RPLP2: variants seen among roughly 807,000 people sequenced by gnomAD.
RPLP2 encodes large ribosomal subunit protein P2.
RPLP2 carries 1 observed loss-of-function variant against 11.5 expected under a neutral mutation model. The ratio of observed to expected loss-of-function variants is 0.09; its 90% CI spans 0.03 to 0.41. The LOEUF (loss-of-function observed/expected upper bound fraction) is 0.41, where lower values mean the gene tolerates loss of function less well. RPLP2 is among the 10% of genes least tolerant of loss of function. RPLP2 has a pLI of 0.98. For missense variants in RPLP2, 177 were observed against 145.6 expected (o/e 1.22, Z -1.11); for synonymous variants, 82 against 55.9 (o/e 1.47, Z -2.08).
Position 810,351 on chromosome 11 carries a change from C to T in RPLP2, c.117C>T (p.Leu39=). The T allele has an allele frequency of 6.2e-7, 1 of 1,606,618 alleles. No individual in the cohort carries two copies. Among genetic ancestry groups the T allele is most frequent in the Non-Finnish European group, 8.5e-7 (1 of 1,177,280 alleles). ...GTATCGAGGCGGACGACGACCGGCT[C>T]AACAAGGTAGCGGCCGCCCTTGCCC... ...SVGIEADDDR[L]NKVISELNGK... The change falls in exon 2 of 5, where the codon CTC becomes CTT. Residue 39 remains leucine, a synonymous_variant. Coordinates refer to ENST00000321153, the MANE Select transcript of RPLP2 (RefSeq NM_001004.4).
Position 812,876 on chromosome 11 carries a change from C to G in RPLP2, c.*40C>G. On this transcript the variant is annotated 3_prime_UTR_variant, in exon 5 of 5. Transcript: ENST00000321153. ...GCAAATAAAGCCTTTTTACACATCT[C>G]TCAAGTATTCCATGAGCACTTTGTC... 1 of 1,601,468 alleles carries G rather than the reference C, an allele frequency of 6.2e-7. No individual in the cohort carries two copies. The highest frequency in any genetic ancestry group is 8.5e-7 in the Non-Finnish European group (1 of 1,170,550).
chr11:812,817 G>A lies in RPLP2; in HGVS notation c.329G>A (p.Gly110Glu), dbSNP rs146481937. The change falls in exon 5 of 5, where the codon GGA (glycine) becomes GAA (glutamate). Residue 110 changes from glycine to glutamate, a missense_variant. Gly to Glu is a moderately conservative substitution (Grantham distance 98). Coordinates refer to ENST00000321153, the MANE Select transcript of RPLP2 (RefSeq NM_001004.4). ...TCTGAAGAGTCAGATGATGACATGG[G>A]ATTTGGCCTTTTTGATTAAATTCCT... ...EESEESDDDM[G>E]FGLFD The A allele has an allele frequency of 4.3e-6, 7 of 1,613,354 alleles. No individual in the cohort carries two copies. Among genetic ancestry groups the A allele is most frequent in the African/African-American group, 1.3e-5 (1 of 74,902 alleles).
At chr11:812,419 T>G in intron 3 of RPLP2, 116 bp from the exon 4 acceptor site, 1 of 1,355,402 alleles carries the variant, frequency 7.4e-7, no homozygotes, top group South Asian at 1.3e-5. Context: ...CACTGGCATA[T>G]GGTGGGTCCA....
At chr11:811,082 C>G (rs546767930) in intron 2 of RPLP2, among the ~76,000 whole-genome samples, 118 of 151,250 alleles carry the variant, frequency 7.8e-4, no homozygotes, top group African/African-American at 2.8e-3. Flanking sequence ...GAGGCTGATG[C>G]GGGAGAATCA....
chr11:811,613 A>G lies in RPLP2; in HGVS notation c.140A>G (p.Asn47Ser). ...DRLNKVISEL[N>S]GKNIEDVIAQ... ...CTGCTTCAGGTTATCAGTGAGCTGA[A>G]TGGAAAAAACATTGAAGACGTCATT... Residue 47 changes from asparagine (N) to serine (S), a missense_variant, in exon 3 of 5, where the codon AAT (asparagine) becomes AGT (serine). Physicochemically the swap from Asn to Ser is conservative, Grantham distance 46. Coordinates refer to ENST00000321153, the MANE Select transcript of RPLP2 (RefSeq NM_001004.4). 1 of 1,614,212 alleles carries G rather than the reference A, an allele frequency of 6.2e-7. No individual in the cohort carries two copies.
intron 2 of RPLP2, among the ~76,000 whole-genome samples, chr11:811,010 A>G (rs1490754144): frequency 2.2e-5 from 3 of 135,800 alleles, no homozygotes; most frequent in Non-Finnish European, 4.6e-5. Context: ...GTCTCCACAA[A>G]AAAAAAAAAA....
rs1323752750 is a variant in RPLP2, at chr11:810,246, C to T, written c.12C>T (p.Val4=). 16 of 1,581,820 alleles carry T rather than the reference C, an allele frequency of 1.0e-5. No homozygotes were observed. Among genetic ancestry groups the T allele is most frequent in the Admixed American group, 1.8e-5 (1 of 56,804 alleles). MRY[V]ASYLLAALGG... Reference sequence around the variant, plus strand: ...CCGCCCGCCTCAGGATGCGCTACGTCGCCTCCTACCTGCTGGCTGCCCTAG... The same window carrying T: ...CCGCCCGCCTCAGGATGCGCTACGTTGCCTCCTACCTGCTGGCTGCCCTAG... The change falls in exon 2 of 5, where the codon GTC becomes GTT. Residue 4 remains valine, a synonymous_variant. Coordinates refer to ENST00000321153, the MANE Select transcript of RPLP2 (RefSeq NM_001004.4).
At chr11:811,803 TTCTAGACA>T in intron 3 of RPLP2, 158 bp downstream of exon 3, 1 of 894,558 alleles carries the variant, frequency 1.1e-6, no homozygotes, top group Admixed American at 1.7e-5. Flanking sequence ...TCATGGGCAC[TTCTAGACA>T]CTCTCAGGAG....
chr11:811,362 A>T (rs1590167428), intron 2 of RPLP2: 1 of 581,678 alleles, frequency 1.7e-6, no homozygotes, highest in East Asian at 2.8e-5. Context: ...AGTCAACATA[A>T]GTAGTGAGAT....
At chr11:811,819 G>T in intron 3 of RPLP2, 174 bp downstream of exon 3, 1 of 847,090 alleles carries the variant, frequency 1.2e-6, no homozygotes, top group Non-Finnish European at 2.1e-6. Flanking sequence ...ACACTCTCAG[G>T]AGCAGGGCAG....
In RPLP2 at chr11:812,746, C is replaced by T. The variant is rs1490932324; in HGVS notation, c.272-14C>T. The stretch of plus-strand genomic sequence containing the variant: ...CTTGGGCAGTGCTCACCATGCCTCT[C>T]CTCTGTTCCACAGCAGAGGAGAAGA... On this transcript the variant is annotated splice_polypyrimidine_tract_variant and intron_variant, in intron 4 of 4. Coordinates refer to ENST00000321153, the MANE Select transcript of RPLP2 (RefSeq NM_001004.4). 1.9e-5 allele frequency: 30 copies of T among 1,612,800 alleles called. No individual in the cohort carries two copies. Among genetic ancestry groups the T allele is most frequent in the African/African-American group, 1.1e-4 (8 of 74,900 alleles).
intron 2 of RPLP2, chr11:810,627 C>T (rs901068962): frequency 1.3e-5 from 4 of 302,310 alleles, no homozygotes; most frequent in Non-Finnish European, 2.5e-5. Flanking sequence ...AACCCCATCC[C>T]TACTAAAAAT....
At chr11:810,560 G>A in intron 2 of RPLP2, 3 of 442,054 alleles carry the variant, frequency 6.8e-6, no homozygotes, top group Non-Finnish European at 1.2e-5. Flanking sequence ...TTGGGAGGAC[G>A]AGGCAGGCGG....
At chr11:811,438 C>A in intron 2 of RPLP2, 159 bp from the exon 3 acceptor site, 1 of 729,796 alleles carries the variant, frequency 1.4e-6, no homozygotes, top group Non-Finnish European at 2.3e-6. Context: ...TATATCACTT[C>A]CCAAGTGAGG....
chr11:811,749 A>G (rs1866071287), intron 3 of RPLP2, 104 bp downstream of exon 3: 1 of 1,436,234 alleles, frequency 7.0e-7, no homozygotes. Flanking sequence ...AGAGCACCCT[A>G]GAAGCCTCAC....
chr11:810,247 G>A lies in RPLP2; in HGVS notation c.13G>A (p.Ala5Thr), dbSNP rs1334691749. MRYV[A>T]SYLLAALGGN... ...CGCCCGCCTCAGGATGCGCTACGTC[G>A]CCTCCTACCTGCTGGCTGCCCTAGG... Residue 5 changes from alanine to threonine, a missense_variant, in exon 2 of 5, where the codon GCC becomes ACC. Physicochemically the swap from Ala to Thr is moderately conservative, Grantham distance 58. Transcript: ENST00000321153. The A allele has an allele frequency of 6.3e-7, 1 of 1,581,722 alleles. No individual in the cohort carries two copies. The highest frequency in any genetic ancestry group is 1.8e-5 in the Admixed American group (1 of 56,884).
Position 811,584 on chromosome 11 carries a change from TTGTC to T in RPLP2, c.124-10_124-7del. The T allele has an allele frequency of 6.2e-7, 1 of 1,614,204 alleles. No homozygotes were observed. Among genetic ancestry groups the T allele is most frequent in the Non-Finnish European group, 8.5e-7 (1 of 1,180,028 alleles). On this transcript the variant is annotated splice_polypyrimidine_tract_variant and intron_variant, in intron 2 of 4. Transcript: ENST00000321153. ...TACATTCCTGGTAACAGCCCTGTGA[TTGTC>T]TGCTTCAGGTTATCAGTGAGCTGAA...
chr11:811,771 G>T, intron 3 of RPLP2, 126 bp downstream of exon 3: 5 of 1,220,582 alleles, frequency 4.1e-6, no homozygotes, highest in Non-Finnish European at 6.1e-6. Context: ...CGAGGAGTGA[G>T]CAGGGCTCCA....
rs541843341 is a variant in RPLP2 at position 811,745 on chromosome 11, C to T, written c.172+100C>T. On this transcript the variant is annotated intron_variant, in intron 3 of 4. Transcript: ENST00000321153. ...CAGGTTTCGCTTGTGGACCAGAGCA[C>T]CCTAGAAGCCTCACCCGAGGAGTGA... is the stretch of plus-strand genomic sequence containing the variant. The T allele has an allele frequency of 1.3e-5, 19 of 1,450,786 alleles. No homozygotes were observed. The African/African-American group carries it at 2.1e-4, about 16-fold the overall frequency. 89.9% of individuals were successfully genotyped at this position (1,450,786 alleles called of 1,614,324 possible). A position where few individuals can be genotyped will look rare whatever the true frequency, so the allele number is the denominator to read the frequency against.
Sources: allele counts gnomAD v4.1 joint callset (sites outside exome capture counted in the v4.1 genomes callset), GRCh38; gene constraint gnomAD v4.1.1; transcripts MANE v1.5; gene names NCBI Gene and HGNC (gene_info 2026-07-23, HGNC 2026-07-21).